The following CTNNBL1 variants were observed in gnomAD, a reference collection of about 807,000 sequenced individuals.
The protein encoded by CTNNBL1 is beta-catenin-like protein 1.
CTNNBL1 carries 31 observed loss-of-function variants against 72.7 expected under a neutral mutation model. The observed-to-expected ratio is 0.43, with a 90% CI of 0.32 to 0.58. The LOEUF (loss-of-function observed/expected upper bound fraction) is 0.58, where lower values mean the gene tolerates loss of function less well. Among genes scored for constraint, CTNNBL1 ranks in the 20% least tolerant of loss-of-function variants. The probability of loss-of-function intolerance (pLI) is 0.08; values close to 1 mark genes in which losing one functional copy is unlikely to be tolerated. For missense variants in CTNNBL1, 534 were observed against 725.1 expected, an observed-to-expected ratio of 0.74 and a Z score of 3.03; for synonymous variants, 240 against 267.3, an observed-to-expected ratio of 0.90 and a Z score of 1.00.
chr20:37,865,316 C>T (rs751652978), intron 15 of CTNNBL1, among the ~76,000 whole-genome samples: 1 of 152,212 alleles, frequency 6.6e-6, no homozygotes, highest in Non-Finnish European at 1.5e-5. Flanking sequence ...GAAGACGGCA[C>T]AGTTAACTCA....
At chr20:37,786,079 C>A (rs1451932540) in intron 10 of CTNNBL1, among the ~76,000 whole-genome samples, 1 of 152,172 alleles carries the variant, frequency 6.6e-6, no homozygotes, top group East Asian at 1.9e-4. Flanking sequence ...AACTCTTGTT[C>A]TCTTCCCTGA....
intron 11 of CTNNBL1, among the ~76,000 whole-genome samples, chr20:37,811,966 T>C (rs1167325482): frequency 1.3e-5 from 2 of 152,238 alleles, no homozygotes; most frequent in Non-Finnish European, 2.9e-5. Flanking sequence ...CTAAGTCTAC[T>C]TCTAAAGCTT....
At chr20:37,765,565 A>G (rs1014442570) in intron 6 of CTNNBL1, among the ~76,000 whole-genome samples, 5 of 152,242 alleles carry the variant, frequency 3.3e-5, no homozygotes, top group Non-Finnish European at 7.3e-5. Flanking sequence ...CTTCGCCTCC[A>G]AAAGTTAGGA....
chr20:37,768,683 CAA>C (rs1003629607), intron 7 of CTNNBL1, among the ~76,000 whole-genome samples: 15 of 152,168 alleles, frequency 9.9e-5, no homozygotes, highest in Admixed American at 9.8e-4. Flanking sequence ...ACCACATTCA[CAA>C]AACTTTTCTT....
intron 7 of CTNNBL1, among the ~76,000 whole-genome samples, chr20:37,776,401 G>A (rs1420829724): frequency 6.6e-6 from 1 of 152,214 alleles, no homozygotes; most frequent in African/African-American, 2.4e-5. Context: ...TGACGGAAGT[G>A]TTAGTTCCAA....
chr20:37,741,780 A>G (rs1020830910), intron 3 of CTNNBL1, among the ~76,000 whole-genome samples: 3 of 152,222 alleles, frequency 2.0e-5, no homozygotes, highest in African/African-American at 7.2e-5. Context: ...TTCTCACGGT[A>G]TCTTGTTACT....
Position 37,767,968 on chromosome 20 carries a change from T to C in CTNNBL1, c.674T>C (p.Met225Thr). 6.2e-7 allele frequency: 1 copy of C among 1,614,002 alleles called. No homozygotes were observed. The highest frequency in any genetic ancestry group is 8.5e-7 in the Non-Finnish European group (1 of 1,179,916). The change falls in exon 7 of 16, where the codon ATG becomes ACG. Residue 225 changes from methionine to threonine, a missense_variant. Met to Thr is a moderately conservative substitution (Grantham distance 81). Transcript: ENST00000361383. ...VHNTLAIVEN[M>T]AEFRPEMCTE... Reference sequence around the variant, plus strand: ...CTCCCTTCAGCTATTGTGGAAAACATGGCTGAGTTCCGGCCTGAGATGTGT... The same window carrying C: ...CTCCCTTCAGCTATTGTGGAAAACACGGCTGAGTTCCGGCCTGAGATGTGT...
intron 13 of CTNNBL1, among the ~76,000 whole-genome samples, chr20:37,851,091 C>G (rs1375594245): frequency 6.6e-6 from 1 of 152,208 alleles, no homozygotes; most frequent in Non-Finnish European, 1.5e-5. Context: ...GGGGGAAACA[C>G]ACACACACAA....
At chr20:37,817,344 T>C (rs2072069214) in intron 11 of CTNNBL1, among the ~76,000 whole-genome samples, 1 of 152,230 alleles carries the variant, frequency 6.6e-6, no homozygotes, top group Admixed American at 6.5e-5. Flanking sequence ...TTTTTTGTAT[T>C]TGGTAATGTG....
chr20:37,724,631 G>A (rs187254140), intron 1 of CTNNBL1, among the ~76,000 whole-genome samples: 41 of 152,230 alleles, frequency 2.7e-4, no homozygotes, highest in African/African-American at 9.1e-4. Context: ...TAAGATAGAT[G>A]ACTGGGTGAG....
In CTNNBL1 at chr20:37,872,025, C is replaced by T; in HGVS notation, c.*12C>T. ...TGGAGAACTTCTAGAGGCACCTTGG[C>T]CCTGCGCATCATGGACTCTCTCAGC... On this transcript the variant is annotated 3_prime_UTR_variant, in exon 16 of 16. Coordinates refer to ENST00000361383, the MANE Select transcript of CTNNBL1 (RefSeq NM_030877.5). 6.2e-7 allele frequency: 1 copy of T among 1,607,228 alleles called. No homozygotes were observed. Among genetic ancestry groups the T allele is most frequent in the Non-Finnish European group, 8.5e-7 (1 of 1,173,754 alleles).
intron 4 of CTNNBL1, among the ~76,000 whole-genome samples, chr20:37,749,683 C>G (rs1480995702): frequency 3.3e-5 from 5 of 152,092 alleles, no homozygotes; most frequent in African/African-American, 1.2e-4. Context: ...TTAGAGGCAG[C>G]AAATAGGGGT....
intron 10 of CTNNBL1, among the ~76,000 whole-genome samples, chr20:37,790,259 C>G (rs1173759090): frequency 6.6e-6 from 1 of 152,208 alleles, no homozygotes; most frequent in Non-Finnish European, 1.5e-5. Context: ...TTTCCTTACT[C>G]TACTTTGCTT....
Position 37,856,616 on chromosome 20 carries a change from C to A in CTNNBL1, c.1393-3283C>A, listed in dbSNP as rs542824215. Among the ~76,000 whole-genome samples the A allele has an allele frequency of 1.4e-4, 21 of 150,374 alleles. No homozygotes were observed. The South Asian group carries it at 4.0e-3, about 28-fold the overall frequency. ...CAACACAAGTCGTTTCTTGTAGGGC[C>A]CTCACACAACGCGAAGACCATACCT... On this transcript the variant is annotated intron_variant, in intron 13 of 15. Coordinates refer to ENST00000361383, the MANE Select transcript of CTNNBL1 (RefSeq NM_030877.5).
chr20:37,787,718 A>C (rs986311250), intron 10 of CTNNBL1, among the ~76,000 whole-genome samples: 4 of 152,168 alleles, frequency 2.6e-5, no homozygotes, highest in African/African-American at 9.7e-5. Context: ...TTTTATAGTA[A>C]TTACGTTTAG....
intron 1 of CTNNBL1, among the ~76,000 whole-genome samples, chr20:37,721,837 G>A (rs1348731701): frequency 6.6e-6 from 1 of 152,110 alleles, no homozygotes; most frequent in Non-Finnish European, 1.5e-5. Context: ...GTGTATATGT[G>A]TGAGCATTTC....
chr20:37,727,940 A>T (rs1248511622), intron 1 of CTNNBL1, among the ~76,000 whole-genome samples: 2 of 152,236 alleles, frequency 1.3e-5, no homozygotes, highest in African/African-American at 4.8e-5. Context: ...GTAAATATAA[A>T]TTAGGAAGTT....
chr20:37,721,514 C>G (rs570230292), intron 1 of CTNNBL1, among the ~76,000 whole-genome samples: 108 of 152,258 alleles, frequency 7.1e-4, no homozygotes, highest in Non-Finnish European at 2.4e-4. Context: ...GGTGGTACCC[C>G]CCTACCTTTT....
At chr20:37,810,993 G>A (rs1404671805) in intron 11 of CTNNBL1, among the ~76,000 whole-genome samples, 1 of 152,188 alleles carries the variant, frequency 6.6e-6, no homozygotes, top group Non-Finnish European at 1.5e-5. Context: ...GAAATCAAGT[G>A]CTTAGCACAG....
Sources: allele counts gnomAD v4.1 joint callset (sites outside exome capture counted in the v4.1 genomes callset), GRCh38; gene constraint gnomAD v4.1.1; transcripts MANE v1.5; gene names NCBI Gene and HGNC (gene_info 2026-07-23, HGNC 2026-07-21).